Variants in EDIL3 observed in about 807,000 individuals in gnomAD.
EDIL3 encodes EGF-like repeat and discoidin I-like domain-containing protein 3.
Under a neutral mutation model 67.4 loss-of-function variants are expected in EDIL3, and 37 were observed. The ratio of observed to expected loss-of-function variants is 0.55; its 90% CI spans 0.42 to 0.72. The LOEUF (loss-of-function observed/expected upper bound fraction) is 0.72. Ranked by LOEUF, EDIL3 falls within the 30% of genes least tolerant of loss-of-function variation. The pLI, the probability that EDIL3 is intolerant of heterozygous loss-of-function variation, is 0.00. For synonymous variants in EDIL3, 195 were observed against 196.3 expected, an observed-to-expected ratio of 0.99 and a Z score of 0.05; for missense variants, 527 against 586.3, an observed-to-expected ratio of 0.90 and a Z score of 1.04.
chr5:84,191,295 ATTT>A (rs528830380), intron 3 of EDIL3, among the ~76,000 whole-genome samples: 110 of 152,108 alleles, frequency 7.2e-4, no homozygotes, highest in African/African-American at 2.6e-3. Flanking sequence ...GGAGGAAAGG[ATTT>A]CTATTTTTAC....
intron 1 of EDIL3, among the ~76,000 whole-genome samples, chr5:84,303,423 A>G (rs1401261451): frequency 2.6e-5 from 4 of 152,292 alleles, no homozygotes; most frequent in Non-Finnish European, 4.4e-5. Context: ...CATAAACATG[A>G]TAACAACTTT....
At chr5:84,170,386 C>T (rs148228606) in intron 4 of EDIL3, among the ~76,000 whole-genome samples, 4 of 152,316 alleles carry the variant, frequency 2.6e-5, no homozygotes, top group African/African-American at 9.6e-5. Flanking sequence ...CTAGGCTTGA[C>T]CTTGACCTTA....
At chr5:84,137,106 T>G in intron 5 of EDIL3, 135 bp downstream of exon 5, 3 of 614,894 alleles carry the variant, frequency 4.9e-6, no homozygotes, top group Non-Finnish European at 7.9e-6. Flanking sequence ...TAATATTGAT[T>G]TTGGCCCAGA....
At chr5:84,076,665 G>A (rs1029997541) in intron 6 of EDIL3, among the ~76,000 whole-genome samples, 4 of 152,104 alleles carry the variant, frequency 2.6e-5, no homozygotes, top group African/African-American at 7.2e-5. Context: ...AACTCACATT[G>A]ATAGTTACAA....
chr5:84,002,949 G>A (rs1356614506), intron 9 of EDIL3, among the ~76,000 whole-genome samples: 1 of 152,192 alleles, frequency 6.6e-6, no homozygotes, highest in Admixed American at 6.5e-5. Flanking sequence ...CACTCTACCA[G>A]TGGCTGAACA....
intron 1 of EDIL3, among the ~76,000 whole-genome samples, chr5:84,335,451 G>A (rs114085987): frequency 4.0e-4 from 61 of 152,010 alleles, no homozygotes; most frequent in African/African-American, 1.4e-3. Flanking sequence ...CTTTTATTTT[G>A]TTATATATTT....
At chr5:84,066,851 C>T (rs948535556) in intron 6 of EDIL3, among the ~76,000 whole-genome samples, 2 of 152,066 alleles carry the variant, frequency 1.3e-5, no homozygotes, top group South Asian at 2.1e-4. Context: ...GGGCAATGTG[C>T]CCCAAAAACA....
At chr5:84,008,751 A>C (rs1745468448) in intron 9 of EDIL3, among the ~76,000 whole-genome samples, 1 of 152,072 alleles carries the variant, frequency 6.6e-6, no homozygotes, top group Admixed American at 6.6e-5. Context: ...TGAGGATAAT[A>C]ATCAGTTGAC....
At chr5:84,346,511 T>G (rs1257040151) in intron 1 of EDIL3, among the ~76,000 whole-genome samples, 1 of 152,222 alleles carries the variant, frequency 6.6e-6, no homozygotes, top group Non-Finnish European at 1.5e-5. Flanking sequence ...TAATTTTTAT[T>G]ATCATAATAT....
chr5:84,293,363 G>C (rs1745966314), intron 1 of EDIL3, among the ~76,000 whole-genome samples: 1 of 152,164 alleles, frequency 6.6e-6, no homozygotes. Context: ...AGATGGCAGA[G>C]AGGTTGAATA....
chr5:84,089,727 C>T (rs2112266515), intron 6 of EDIL3, among the ~76,000 whole-genome samples: 1 of 152,208 alleles, frequency 6.6e-6, no homozygotes, highest in African/African-American at 2.4e-5. Context: ...ATCTCCTTAC[C>T]TTTTCAATCT....
chr5:84,147,555 A>G (rs1748310863), intron 4 of EDIL3, among the ~76,000 whole-genome samples: 1 of 152,144 alleles, frequency 6.6e-6, no homozygotes, highest in African/African-American at 2.4e-5. Context: ...AAACTATATG[A>G]AACTTGCAGG....
At chr5:84,184,307 G>A (rs973651108) in intron 3 of EDIL3, among the ~76,000 whole-genome samples, 6 of 152,160 alleles carry the variant, frequency 3.9e-5, no homozygotes, top group African/African-American at 9.7e-5. Flanking sequence ...ATGGATCTGC[G>A]AAATAAAGGG....
intron 3 of EDIL3, among the ~76,000 whole-genome samples, chr5:84,213,297 C>T (rs907768471): frequency 2.6e-5 from 4 of 152,042 alleles, no homozygotes; most frequent in Middle Eastern, 6.8e-3. Flanking sequence ...AAAAAAAATC[C>T]CTAACCATTC....
At chr5:84,194,098 G>T (rs975614389) in intron 3 of EDIL3, among the ~76,000 whole-genome samples, 6 of 151,862 alleles carry the variant, frequency 4.0e-5, no homozygotes, top group Non-Finnish European at 8.8e-5. Flanking sequence ...TATTTGGTCT[G>T]GAGAAGTAAA....
intron 1 of EDIL3, among the ~76,000 whole-genome samples, chr5:84,283,255 T>C (rs1028840281): frequency 1.3e-5 from 2 of 152,158 alleles, no homozygotes; most frequent in African/African-American, 2.4e-5. Context: ...GATACAATAA[T>C]CATAACATCA....
At chr5:84,028,968 G>A (rs1745868972) in intron 9 of EDIL3, among the ~76,000 whole-genome samples, 1 of 152,046 alleles carries the variant, frequency 6.6e-6, no homozygotes, top group Admixed American at 6.6e-5. Flanking sequence ...CACAAGAAGA[G>A]GAGTTCCAGC....
chr5:84,010,879 G>C (rs542928717), intron 9 of EDIL3, among the ~76,000 whole-genome samples: 2 of 152,198 alleles, frequency 1.3e-5, no homozygotes, highest in South Asian at 4.1e-4. Flanking sequence ...GAGTGCTTCT[G>C]GAAAACAGAC....
chr5:84,296,848 T>C (rs1746060287), intron 1 of EDIL3, among the ~76,000 whole-genome samples: 1 of 152,124 alleles, frequency 6.6e-6, no homozygotes, highest in Non-Finnish European at 1.5e-5. Context: ...AAAGGTCTAT[T>C]ATCCAGAATC....
Sources: allele counts gnomAD v4.1 joint callset (sites outside exome capture counted in the v4.1 genomes callset), GRCh38; gene constraint gnomAD v4.1.1; transcripts MANE v1.5; gene names NCBI Gene and HGNC (gene_info 2026-07-23, HGNC 2026-07-21).